The following RBFOX3 variants were observed in gnomAD, a reference collection of about 807,000 sequenced individuals.
The protein encoded by RBFOX3 is RNA binding fox-1 homolog 3, also known as RNA binding protein fox-1 homolog 3.
In RBFOX3, 17 loss-of-function variants were observed where a neutral mutation model predicts 48.7. The observed-to-expected ratio is 0.35, with a 90% CI of 0.24 to 0.52. RBFOX3 has a LOEUF of 0.52. RBFOX3 is among the 20% of genes least tolerant of loss of function. RBFOX3 has a pLI of 0.94. For synonymous variants in RBFOX3, 212 were observed against 209.5 expected, an observed-to-expected ratio of 1.01 and a Z score of -0.10; for missense variants, 382 against 497.5, an observed-to-expected ratio of 0.77 and a Z score of 2.21.
intron 4 of RBFOX3, among the ~76,000 whole-genome samples, chr17:79,164,229 G>A (rs374431936): frequency 6.4e-4 from 97 of 152,324 alleles, no homozygotes; most frequent in African/African-American, 1.8e-3. Flanking sequence ...GGGCGGTGGC[G>A]GTAGCGCCTG....
intron 2 of RBFOX3, among the ~76,000 whole-genome samples, chr17:79,321,832 A>T (rs557451906): frequency 1.3e-5 from 2 of 151,418 alleles, no homozygotes; most frequent in Non-Finnish European, 2.9e-5. Context: ...CAGCCTCCCA[A>T]GTAGCTGGGA....
upstream of RBFOX3, among the ~76,000 whole-genome samples, chr17:79,613,946 C>A (rs918539102): frequency 0.01 from 1,593 of 152,316 alleles, 25 homozygotes; most frequent in African/African-American, 0.036. Flanking sequence ...TGTACTACTC[C>A]AGCCTGGACA....
At chr17:79,357,931 C>A (rs2085520773) in intron 2 of RBFOX3, among the ~76,000 whole-genome samples, 1 of 124,582 alleles carries the variant, frequency 8.0e-6, no homozygotes, top group African/African-American at 2.9e-5. Context: ...TTACCAGATC[C>A]CAAACAAGCT....
At chr17:79,353,600 C>A (rs187685654) in intron 2 of RBFOX3, among the ~76,000 whole-genome samples, 38 of 152,326 alleles carry the variant, frequency 2.5e-4, no homozygotes, top group African/African-American at 8.4e-4. Flanking sequence ...AGCTGCAGAC[C>A]AAACACCAAA....
At chr17:79,131,198 C>T (rs890383944) in intron 4 of RBFOX3, among the ~76,000 whole-genome samples, 4 of 149,342 alleles carry the variant, frequency 2.7e-5, no homozygotes, top group African/African-American at 7.7e-5. Context: ...CTGTGTGCTC[C>T]GTGTGTTCTG....
intron 1 of RBFOX3, among the ~76,000 whole-genome samples, chr17:79,545,290 G>A (rs77194324): frequency 0.041 from 6,226 of 152,206 alleles, 298 homozygotes; most frequent in African/African-American, 0.12. Flanking sequence ...AGAGGAGCAC[G>A]TCTACCAGGA....
At chr17:79,248,242 T>A (rs540008255) in intron 3 of RBFOX3, among the ~76,000 whole-genome samples, 1 of 150,120 alleles carries the variant, frequency 6.7e-6, no homozygotes, top group African/African-American at 2.4e-5. Flanking sequence ...GTGTGTGTGT[T>A]TTTTTTTTGG....
the RBFOX3 span, among the ~76,000 whole-genome samples, chr17:79,660,991 G>C: frequency 6.6e-6 from 1 of 152,188 alleles, no homozygotes; most frequent in Non-Finnish European, 1.5e-5. Flanking sequence ...GATGTGGATG[G>C]AGCTGGAAGC....
chr17:79,215,907 G>A (rs574369561), intron 4 of RBFOX3, among the ~76,000 whole-genome samples: 1 of 152,392 alleles, frequency 6.6e-6, no homozygotes, highest in South Asian at 2.1e-4. Context: ...TGCTGGTGCA[G>A]GCATTTGGAC....
chr17:79,094,227 T>TG, intron 14 of RBFOX3: 2 of 458,168 alleles, frequency 4.4e-6, no homozygotes, highest in South Asian at 9.1e-5. Context: ...GAGGACCAGA[T>TG]GGTACGGTGG....
At chr17:79,115,415 CT>C (rs1156675808) in intron 5 of RBFOX3, 78 bp downstream of exon 5, 1 of 971,290 alleles carries the variant, frequency 1.0e-6, no homozygotes, top group African/African-American at 1.7e-5. Context: ...ACCTCATGCC[CT>C]TCTGGGCCAC....
intron 4 of RBFOX3, among the ~76,000 whole-genome samples, chr17:79,117,976 C>T (rs2034555869): frequency 6.6e-6 from 1 of 152,200 alleles, no homozygotes; most frequent in African/African-American, 2.4e-5. Flanking sequence ...CAGACCCGGC[C>T]ACCCCCTCCT....
chr17:79,511,929 G>A (rs1381708278), intron 1 of RBFOX3, among the ~76,000 whole-genome samples: 1,299 of 48,170 alleles, frequency 0.027, no homozygotes, highest in Middle Eastern at 0.11. Flanking sequence ...ACCCGGATAC[G>A]TGTTACCATC....
At chr17:79,309,132 T>C (rs1186608449) in intron 2 of RBFOX3, among the ~76,000 whole-genome samples, 3 of 151,384 alleles carry the variant, frequency 2.0e-5, no homozygotes, top group Non-Finnish European at 4.4e-5. Flanking sequence ...TAAATGTTTG[T>C]TGTTTAAGCC....
At position 79,512,694 on chromosome 17, in the gene RBFOX3, A is replaced by ACGGCCC. The variant is rs2084558512; in HGVS notation, c.-319-30097_-319-30096insGGGCCG. Among the ~76,000 whole-genome samples, 12 of 134,012 alleles carry ACGGCCC rather than the reference A, an allele frequency of 9.0e-5. 4 individuals are homozygous for ACGGCCC. The East Asian group carries it at 1.2e-3, about 13-fold the overall frequency. 87.9% of individuals were successfully genotyped at this position (134,012 alleles called of 152,430 possible). On this transcript the variant is annotated intron_variant, in intron 1 of 14. Transcript: ENST00000693108. ...ACCCGGATACGTGTTACCATCGGGT[A>ACGGCCC]CAGCCCCATGGCCAAGGGACACCCA...
intron 2 of RBFOX3, among the ~76,000 whole-genome samples, chr17:79,422,023 G>C (rs2066487721): frequency 6.6e-6 from 1 of 152,018 alleles, no homozygotes; most frequent in Non-Finnish European, 1.5e-5. Flanking sequence ...CAGCCTCATG[G>C]GGTACAGAGG....
the RBFOX3 span, among the ~76,000 whole-genome samples, chr17:79,657,855 G>A: frequency 6.6e-6 from 1 of 152,178 alleles, no homozygotes; most frequent in Admixed American, 6.5e-5. Context: ...TTTTAAAGAA[G>A]GCTTAAGCTC....
chr17:79,356,983 T>A (rs2147164838), intron 2 of RBFOX3, among the ~76,000 whole-genome samples: 1 of 152,264 alleles, frequency 6.6e-6, no homozygotes, highest in African/African-American at 2.4e-5. Flanking sequence ...TGAGAAGCTA[T>A]GTCCTAAAGT....
chr17:79,149,304 G>A (rs899474545), intron 4 of RBFOX3, among the ~76,000 whole-genome samples: 1 of 152,180 alleles, frequency 6.6e-6, no homozygotes, highest in East Asian at 1.9e-4. Context: ...TCCCTGGCCC[G>A]GTGCAGCCAC....
Sources: gnomAD v4.1 joint callset for allele counts (sites outside exome capture counted in the v4.1 genomes callset) on GRCh38, gnomAD v4.1.1 for gene constraint, MANE v1.5 for transcripts, NCBI Gene and HGNC (gene_info 2026-07-23, HGNC 2026-07-21) for gene names.